The following ZNF2 variants were observed in gnomAD, a reference collection of about 807,000 sequenced individuals.
The protein encoded by ZNF2 is zinc finger protein 2.2.
Under a neutral mutation model 21.9 loss-of-function variants are expected in ZNF2, and 12 were observed. That is an observed-to-expected ratio of 0.55 (90% confidence interval 0.35 to 0.89). The LOEUF (loss-of-function observed/expected upper bound fraction) is 0.89. ZNF2 is among the 40% of genes least tolerant of loss of function. ZNF2 has a pLI of 0.01. For synonymous variants in ZNF2, 186 were observed against 196.3 expected (o/e 0.95, Z 0.44); for missense variants, 462 against 544.2 (o/e 0.85, Z 1.50).
rs763784738 is a variant in ZNF2 at position 95,182,078 on chromosome 2, G to A, written c.1250G>A (p.Arg417Gln). Residue 417 changes from arginine (R) to glutamine (Q), a missense_variant, in exon 5 of 5, where the codon CGG (arginine) becomes CAG (glutamine). Coordinates refer to ENST00000614034, the MANE Select transcript of ZNF2 (RefSeq NM_021088.4). ...SSKSSVIQHQRRYAKQGID is the reference protein window; with the variant it reads ...SSKSSVIQHQQRYAKQGID ...AAATCTTCTGTTATTCAACATCAAC[G>A]GCGTTACGCCAAACAGGGAATAGAC... 9.3e-6 allele frequency: 15 copies of A among 1,609,884 alleles called. No homozygotes were observed. The Admixed American group carries it at 1.0e-4, about 11-fold the overall frequency.
chr2:95,178,993 GTT>G (rs368069255), intron 3 of ZNF2, among the ~76,000 whole-genome samples: 7 of 130,454 alleles, frequency 5.4e-5, no homozygotes, highest in Non-Finnish European at 9.9e-5. Flanking sequence ...GGTTTTTTTT[GTT>G]TTTTTTTTTT....
rs1241461669 is a variant in ZNF2 at position 95,181,354 on chromosome 2, A to T, written c.526A>T (p.Ser176Cys). Residue 176 changes from serine (S) to cysteine (C), a missense_variant, in exon 5 of 5, where the codon AGT (serine) becomes TGT (cysteine). Coordinates refer to ENST00000614034, the MANE Select transcript of ZNF2 (RefSeq NM_021088.4). Reference protein sequence around the residue: ...ILTKERHQECSDCGKTFFDHS... With the variant: ...ILTKERHQECCDCGKTFFDHS... The stretch of plus-strand genomic sequence containing the variant: ...CACTAAAGAGAGACACCAGGAATGC[A>T]GTGACTGTGGGAAGACCTTTTTTGA... 1 of 1,614,112 alleles carries T rather than the reference A, an allele frequency of 6.2e-7. No homozygotes were observed. Among genetic ancestry groups the T allele is most frequent in the African/African-American group, 1.3e-5 (1 of 74,944 alleles).
chr2:95,178,305 G>A (rs1269044224), intron 3 of ZNF2, among the ~76,000 whole-genome samples: 1 of 152,116 alleles, frequency 6.6e-6, no homozygotes, highest in Non-Finnish European at 1.5e-5. Flanking sequence ...CTTAAAATAA[G>A]CAGCAGATGG....
At position 95,171,485 on chromosome 2, in the gene ZNF2, C is replaced by T. The variant is rs1674268361; in HGVS notation, c.-39-4703C>T. Among the ~76,000 whole-genome samples the T allele has an allele frequency of 2.0e-5, 3 of 151,422 alleles. No individual in the cohort carries two copies. In the South Asian group the frequency reaches 6.3e-4, roughly 32 times the overall value. On this transcript the variant is annotated intron_variant, in intron 1 of 4. Transcript: ENST00000614034. ...GCAACCTTTGCCTCCCGGGTTTGAG[C>T]GATTCTCCTGCCTCAGCCTCCCAAG...
chr2:95,177,693 T>A, intron 3 of ZNF2, 84 bp downstream of exon 3: 1 of 1,494,830 alleles, frequency 6.7e-7, no homozygotes, highest in Non-Finnish European at 9.0e-7. Context: ...ACCGTTCTCC[T>A]CCCCGCTGAG....
intron 1 of ZNF2, among the ~76,000 whole-genome samples, chr2:95,173,622 T>G (rs1674352031): frequency 1.3e-5 from 2 of 152,258 alleles, no homozygotes. Flanking sequence ...GGAGTTAAAT[T>G]AGCCTTATAA....
At chr2:95,170,940 AC>A (rs1483187973) in intron 1 of ZNF2, among the ~76,000 whole-genome samples, 3 of 152,228 alleles carry the variant, frequency 2.0e-5, no homozygotes, top group Non-Finnish European at 2.9e-5. Flanking sequence ...ATGAGTAGAT[AC>A]AAGTATCTAT....
intron 1 of ZNF2, among the ~76,000 whole-genome samples, chr2:95,173,274 A>G (rs1037774019): frequency 6.6e-6 from 1 of 152,090 alleles, no homozygotes; most frequent in African/African-American, 2.4e-5. Flanking sequence ...TATAATATTC[A>G]TATATGAGAT....
intron 1 of ZNF2, among the ~76,000 whole-genome samples, chr2:95,168,702 T>G (rs975786422): frequency 3.9e-5 from 6 of 152,242 alleles, no homozygotes; most frequent in African/African-American, 1.4e-4. Flanking sequence ...TTTATATTAA[T>G]GGTCTCACCA....
intron 1 of ZNF2, among the ~76,000 whole-genome samples, chr2:95,166,413 A>T (rs1674042828): frequency 6.6e-6 from 1 of 152,176 alleles, no homozygotes; most frequent in Non-Finnish European, 1.5e-5. Flanking sequence ...GTGGTAGACA[A>T]GGTTGAAGAA....
rs915596062 is a variant in ZNF2 at position 95,175,911 on chromosome 2, T to C, written c.-39-277T>C. 7.2e-5 allele frequency among the ~76,000 whole-genome samples: 11 copies of C among 152,328 alleles called. 1 individual carries two copies. The highest frequency in any genetic ancestry group is 5.8e-4 in the East Asian group (3 of 5,186). On this transcript the variant is annotated intron_variant, in intron 1 of 4. Transcript: ENST00000614034. ...TGTGAATTTTTACGTACTGTGTGAATCTTACACAGTTCTTGACTCTCAGGA... is the reference window on the plus strand; with the variant it reads ...TGTGAATTTTTACGTACTGTGTGAACCTTACACAGTTCTTGACTCTCAGGA...
chr2:95,175,594 T>G (rs1488183849), intron 1 of ZNF2, among the ~76,000 whole-genome samples: 1 of 152,204 alleles, frequency 6.6e-6, no homozygotes, highest in Non-Finnish European at 1.5e-5. Flanking sequence ...CTGACATTTC[T>G]TAGTTCACAT....
intron 2 of ZNF2, 147 bp from the exon 3 acceptor site, chr2:95,177,335 TC>T (rs35376938): frequency 0.49 from 428,634 of 882,322 alleles, 105,692 homozygotes; most frequent in South Asian, 0.51. Context: ...AGGCCACTTT[TC>T]CCAAATGCTT....
intron 1 of ZNF2, among the ~76,000 whole-genome samples, chr2:95,166,384 T>TCC (rs1344805941): frequency 6.6e-6 from 1 of 152,014 alleles, no homozygotes; most frequent in East Asian, 1.9e-4. Flanking sequence ...GAGATAGTTT[T>TCC]TACAGAAATG....
chr2:95,176,880 T>C (rs1395627154), intron 2 of ZNF2, among the ~76,000 whole-genome samples: 1 of 151,462 alleles, frequency 6.6e-6, no homozygotes, highest in African/African-American at 2.4e-5. Context: ...AGAGGGATCC[T>C]ACAGATGATC....
At position 95,181,141 on chromosome 2, in the gene ZNF2, A is replaced by G; in HGVS notation, c.313A>G (p.Lys105Glu). The G allele has an allele frequency of 6.2e-7, 1 of 1,614,148 alleles. No individual in the cohort carries two copies. The highest frequency in any genetic ancestry group is 8.5e-7 in the Non-Finnish European group (1 of 1,180,006). ...GCCTGAGATTCACGATGCTTCAGAC[A>G]AAAAATCAGAAGGATCATTGAGGGA... is the stretch of plus-strand genomic sequence containing the variant. ...TKPEIHDASD[K>E]KSEGSLRECL... The change falls in exon 5 of 5, where the codon AAA becomes GAA. Residue 105 changes from lysine (K) to glutamate (E), a missense_variant. Physicochemically the swap from Lys to Glu is moderately conservative, Grantham distance 56. Transcript: ENST00000614034.
chr2:95,182,800 A>C lies in ZNF2; in HGVS notation c.*694A>C, dbSNP rs1311924271. ...AGGTCTTGAAGACAGGTCCACCTTC[A>C]AAATCTATTCTCTTTACCATTATGC... On this transcript the variant is annotated 3_prime_UTR_variant, in exon 5 of 5. Transcript: ENST00000614034. The C allele has an allele frequency of 6.6e-6, 1 of 152,624 alleles. No homozygotes were observed. Among genetic ancestry groups the C allele is most frequent in the Non-Finnish European group, 1.5e-5 (1 of 68,058 alleles). The allele number at this position is 152,624 out of a possible 1,614,324, so 9.5% of individuals were successfully genotyped here.
chr2:95,173,952 G>A (rs571547528), intron 1 of ZNF2, among the ~76,000 whole-genome samples: 4 of 152,268 alleles, frequency 2.6e-5, no homozygotes, highest in South Asian at 4.1e-4. Flanking sequence ...CTCATGATCC[G>A]CATGTCTTGG....
intron 3 of ZNF2, among the ~76,000 whole-genome samples, chr2:95,178,410 C>T (rs907276258): frequency 1.3e-5 from 2 of 152,126 alleles, no homozygotes; most frequent in Non-Finnish European, 2.9e-5. Flanking sequence ...CAATTGTCTC[C>T]CAAACAGAAT....
Sources: allele counts gnomAD v4.1 joint callset (sites outside exome capture counted in the v4.1 genomes callset), GRCh38; gene constraint gnomAD v4.1.1; transcripts MANE v1.5; gene names NCBI Gene and HGNC (gene_info 2026-07-23, HGNC 2026-07-21).